ADGB: variants seen among roughly 807,000 people sequenced by gnomAD.
ADGB encodes calpain-7-like protein.
A neutral mutation model predicts 210.5 loss-of-function variants in ADGB; 172 were observed. That is an observed-to-expected ratio of 0.82 (90% CI 0.72 to 0.93). The LOEUF is 0.93. Among genes scored for constraint, ADGB ranks in the 40% least tolerant of loss-of-function variants. The probability of loss-of-function intolerance (pLI) is 0.00; values close to 1 mark genes in which losing one functional copy is unlikely to be tolerated. For missense variants in ADGB, 2,025 were observed against 1,964.8 expected, an observed-to-expected ratio of 1.03 and a Z score of -0.58; for synonymous variants, 658 against 662.7, an observed-to-expected ratio of 0.99 and a Z score of 0.11.
intron 28 of ADGB, among the ~76,000 whole-genome samples, 184 bp downstream of exon 28, chr6:146,764,284 G>C (rs1369989651): frequency 1.3e-5 from 2 of 152,162 alleles, no homozygotes; most frequent in African/African-American, 4.8e-5. Context: ...TCTTGGCACA[G>C]AGATGTATTT....
intron 26 of ADGB, among the ~76,000 whole-genome samples, chr6:146,751,747 T>A (rs1353596576): frequency 6.6e-6 from 1 of 152,168 alleles, no homozygotes. Context: ...AGCTATCTTT[T>A]ATGTGTTTGT....
At chr6:146,694,078 T>C (rs1583593406) in intron 12 of ADGB, among the ~76,000 whole-genome samples, 1 of 152,176 alleles carries the variant, frequency 6.6e-6, no homozygotes, top group African/African-American at 2.4e-5. Flanking sequence ...CATGGCAATG[T>C]AGGCTTTCTT....
At chr6:146,754,390 AT>A (rs1449046257) in intron 27 of ADGB, among the ~76,000 whole-genome samples, 1 of 151,640 alleles carries the variant, frequency 6.6e-6, no homozygotes, top group East Asian at 1.9e-4. Context: ...CAATATTTAT[AT>A]TTATCTTTTA....
At position 146,815,047 on chromosome 6, in the gene ADGB, GC is replaced by G. The variant is rs1240817131; in HGVS notation, c.4837del (p.Arg1613AspfsTer21). ...YKEMQDSLDE[A>X]RQKIFDIREE... ...TTTGGAACAGGACTCCTTAGATGAAGCCCGACAGAAAATTTTCGACATCCGG... is the reference window on the plus strand; with the variant it reads ...TTTGGAACAGGACTCCTTAGATGAAGCCGACAGAAAATTTTCGACATCCGG... On this transcript the variant is annotated frameshift_variant, in exon 36 of 36. Transcript: ENST00000397944. LOFTEE classifies it low-confidence loss of function (END_TRUNC). The G allele has an allele frequency of 1.3e-6, 2 of 1,544,782 alleles. No individual in the cohort carries two copies. Among genetic ancestry groups the G allele is most frequent in the Non-Finnish European group, 1.7e-6 (2 of 1,145,452 alleles).
intron 23 of ADGB, among the ~76,000 whole-genome samples, chr6:146,737,796 G>A (rs1298336734): frequency 6.6e-6 from 1 of 152,148 alleles, no homozygotes; most frequent in Non-Finnish European, 1.5e-5. Context: ...CACCAGGGAG[G>A]TGTAACACTA....
chr6:146,688,220 C>CACGT (rs1421205034), intron 10 of ADGB, among the ~76,000 whole-genome samples: 1 of 151,728 alleles, frequency 6.6e-6, no homozygotes, highest in Non-Finnish European at 1.5e-5. Flanking sequence ...AGGTGCCTGC[C>CACGT]ACGTAGTAGG....
chr6:146,623,192 C>T (rs142443128), intron 1 of ADGB, among the ~76,000 whole-genome samples: 382 of 151,948 alleles, frequency 2.5e-3, no homozygotes, highest in African/African-American at 9.0e-3. Flanking sequence ...GATTTAGAAT[C>T]AACTTGTCAA....
chr6:146,731,407 G>A (rs750596978), intron 20 of ADGB, among the ~76,000 whole-genome samples: 17 of 150,024 alleles, frequency 1.1e-4, no homozygotes, highest in Non-Finnish European at 2.1e-4. Context: ...CCTTGAGGCC[G>A]CAATCCGTAT....
At chr6:146,726,006 T>C (rs1025718568) in intron 18 of ADGB, 77 bp from the exon 19 acceptor site, 1 of 824,672 alleles carries the variant, frequency 1.2e-6, no homozygotes, top group Non-Finnish European at 1.9e-6. Flanking sequence ...AGTTCCAAAG[T>C]GTGAATAAGC....
intron 11 of ADGB, among the ~76,000 whole-genome samples, 187 bp downstream of exon 11, chr6:146,691,477 A>ATT (rs1776322815): frequency 5.4e-5 from 1 of 18,554 alleles, no homozygotes; most frequent in Admixed American, 1.1e-3. Context: ...TATATATATA[A>ATT]ATATATATAT....
chr6:146,670,088 A>G (rs182026083), intron 7 of ADGB, among the ~76,000 whole-genome samples: 28 of 152,250 alleles, frequency 1.8e-4, no homozygotes, highest in Non-Finnish European at 3.7e-4. Context: ...GTTTCTCTAC[A>G]TCTGCATTAT....
At chr6:146,657,108 T>C in intron 5 of ADGB, 128 bp downstream of exon 5, 1 of 823,862 alleles carries the variant, frequency 1.2e-6, no homozygotes, top group East Asian at 2.8e-5. Flanking sequence ...GTGGATCACC[T>C]GAGATCAGGA....
At chr6:146,644,912 A>T (rs1214161099) in intron 3 of ADGB, 47 bp downstream of exon 3, 1 of 1,154,146 alleles carries the variant, frequency 8.7e-7, no homozygotes, top group Non-Finnish European at 1.2e-6. Context: ...ATGTGGATGT[A>T]TTATCCTACT....
intron 22 of ADGB, among the ~76,000 whole-genome samples, chr6:146,734,491 C>G (rs1777049557): frequency 6.6e-6 from 1 of 152,158 alleles, no homozygotes; most frequent in Non-Finnish European, 1.5e-5. Context: ...AAAGAAGCCA[C>G]TATGTATGTC....
intron 33 of ADGB, among the ~76,000 whole-genome samples, chr6:146,798,585 AAG>A (rs1423311248): frequency 6.6e-6 from 1 of 152,156 alleles, no homozygotes; most frequent in African/African-American, 2.4e-5. Flanking sequence ...TCAATCAAGA[AAG>A]AGAAATAAAA....
intron 2 of ADGB, among the ~76,000 whole-genome samples, chr6:146,640,044 C>G (rs1212187166): frequency 1.3e-5 from 2 of 151,708 alleles, no homozygotes; most frequent in Non-Finnish European, 2.9e-5. Flanking sequence ...GAAAGAATAT[C>G]CAAATAAACA....
intron 17 of ADGB, among the ~76,000 whole-genome samples, chr6:146,723,729 C>T (rs182923293): frequency 6.6e-6 from 1 of 152,046 alleles, no homozygotes; most frequent in Non-Finnish European, 1.5e-5. Flanking sequence ...AGAGTGAGAA[C>T]CCGTCTTTAA....
At chr6:146,756,508 G>T (rs1367500196) in intron 27 of ADGB, among the ~76,000 whole-genome samples, 1 of 151,946 alleles carries the variant, frequency 6.6e-6, no homozygotes, top group African/African-American at 2.4e-5. Context: ...ATGATTTATA[G>T]AATGTAAAAT....
At position 146,733,105 on chromosome 6, in the gene ADGB, A is replaced by T. The variant is rs778914388; in HGVS notation, c.2521-15A>T. ...ATGGTATTTTCTTGCTATAAAAAAA[A>T]TTTATGTGTTTCAGGTTTTTCATCT... On this transcript the variant is annotated splice_polypyrimidine_tract_variant and intron_variant, in intron 20 of 35. Coordinates refer to ENST00000397944, the MANE Select transcript of ADGB (RefSeq NM_024694.4). 1.3e-4 allele frequency: 185 copies of T among 1,441,130 alleles called. No homozygotes were observed. The highest frequency in any genetic ancestry group is 2.0e-4 in the Middle Eastern group (1 of 5,036). 89.3% of individuals were successfully genotyped at this position (1,441,130 alleles called of 1,614,324 possible). A position where few individuals can be genotyped will look rare whatever the true frequency, so the allele number is the denominator to read the frequency against.
Sources: allele counts gnomAD v4.1 joint callset (sites outside exome capture counted in the v4.1 genomes callset), GRCh38; gene constraint gnomAD v4.1.1; transcripts MANE v1.5; gene names NCBI Gene and HGNC (gene_info 2026-07-23, HGNC 2026-07-21).